The following GPC3 variants were observed in gnomAD, a reference collection of about 807,000 sequenced individuals.
GPC3 encodes the protein glypican 3.
GPC3 carries 3 observed loss-of-function variants against 34.4 expected under a neutral mutation model. That is an observed-to-expected ratio of 0.09 (90% CI 0.04 to 0.23). GPC3 has a LOEUF of 0.23. Among genes scored for constraint, GPC3 ranks in the 10% least tolerant of loss-of-function variants. The pLI is 1.00. For missense variants in GPC3, 351 were observed against 445.6 expected, an observed-to-expected ratio of 0.79 and a Z score of 1.91; for synonymous variants, 177 against 174.0, an observed-to-expected ratio of 1.02 and a Z score of -0.13.
At chrX:133,737,072 T>C (rs2071517902) in intron 3 of GPC3, among the ~76,000 whole-genome samples, 1 of 111,431 alleles carries the variant, frequency 9.0e-6, no homozygotes, top group Admixed American at 9.5e-5. Flanking sequence ...AGACATGGAG[T>C]AAACTTAAAA....
chrX:133,900,685 T>C (rs1230886104), intron 2 of GPC3, among the ~76,000 whole-genome samples: 1 of 111,522 alleles, frequency 9.0e-6, no homozygotes, highest in South Asian at 3.9e-4. Flanking sequence ...AGATCTTACC[T>C]AGGACCATTT....
At chrX:133,619,856 A>G (rs2070210962) in intron 6 of GPC3, among the ~76,000 whole-genome samples, 1 of 110,885 alleles carries the variant, frequency 9.0e-6, no homozygotes, top group Non-Finnish European at 1.9e-5. Context: ...GCACTAACCA[A>G]TTAGGAAGAA....
chrX:133,740,958 A>C (rs1330332360), intron 3 of GPC3, among the ~76,000 whole-genome samples: 9 of 110,925 alleles, frequency 8.1e-5, no homozygotes, highest in African/African-American at 3.0e-4. Flanking sequence ...ATTTAGAAAA[A>C]TTTAGTTAGC....
intron 2 of GPC3, among the ~76,000 whole-genome samples, chrX:133,882,609 A>G (rs1338848809): frequency 9.0e-6 from 1 of 110,572 alleles, no homozygotes; most frequent in African/African-American, 3.3e-5. Context: ...GGTACCAGTC[A>G]CAGAGAGTTT....
intron 6 of GPC3, among the ~76,000 whole-genome samples, chrX:133,621,648 G>T (rs1034249714): frequency 8.9e-6 from 1 of 112,196 alleles, no homozygotes; most frequent in Non-Finnish European, 1.9e-5. Flanking sequence ...AAACAAAGCG[G>T]CCAGGAAGCT....
chrX:133,681,332 G>A (rs976479022), intron 5 of GPC3, among the ~76,000 whole-genome samples: 1 of 111,803 alleles, frequency 8.9e-6, no homozygotes, highest in Non-Finnish European at 1.9e-5. Flanking sequence ...TGACTCTAAG[G>A]TTGTAAGTTT....
chrX:133,817,930 ATTG>A (rs2075700446), intron 2 of GPC3, among the ~76,000 whole-genome samples: 1 of 111,015 alleles, frequency 9.0e-6, no homozygotes, highest in Admixed American at 9.6e-5. Flanking sequence ...ATCCTAGCTC[ATTG>A]TTTTATTTTA....
intron 6 of GPC3, among the ~76,000 whole-genome samples, chrX:133,623,989 T>C (rs770333652): frequency 1.6e-4 from 18 of 112,024 alleles, no homozygotes; most frequent in Admixed American, 3.8e-4. Flanking sequence ...AAACTAGAAC[T>C]GAGGATTAAG....
chrX:133,806,470 C>T (rs2075636033), intron 2 of GPC3, among the ~76,000 whole-genome samples: 1 of 111,253 alleles, frequency 9.0e-6, no homozygotes, highest in Admixed American at 9.6e-5. Context: ...AAGTTGTATG[C>T]TGTACAAGCC....
chrX:133,655,280 G>A (rs1293667101), intron 6 of GPC3, among the ~76,000 whole-genome samples: 4 of 111,440 alleles, frequency 3.6e-5, no homozygotes, highest in African/African-American at 1.3e-4. Flanking sequence ...ATTAGGCAAA[G>A]TGACAGAAGA....
chrX:133,824,936 A>T (rs1448818844), intron 2 of GPC3, among the ~76,000 whole-genome samples: 1 of 112,272 alleles, frequency 8.9e-6, no homozygotes, highest in Non-Finnish European at 1.9e-5. Flanking sequence ...GCAACCTGCA[A>T]CCTCTGCCTC....
At chrX:133,804,452 A>T (rs1002144757) in intron 2 of GPC3, among the ~76,000 whole-genome samples, 1 of 110,358 alleles carries the variant, frequency 9.1e-6, no homozygotes, top group Non-Finnish European at 1.9e-5. Context: ...TCTTCGGAAG[A>T]TTCCTCAATC....
At chrX:133,960,977 T>C (rs1218320533) in intron 1 of GPC3, among the ~76,000 whole-genome samples, 3 of 112,091 alleles carry the variant, frequency 2.7e-5, no homozygotes, top group Non-Finnish European at 5.6e-5. Context: ...CCTTAGCATA[T>C]AATAGTGACT....
intron 2 of GPC3, among the ~76,000 whole-genome samples, chrX:133,866,687 A>G (rs190941958): frequency 1.8e-3 from 205 of 111,955 alleles, no homozygotes; most frequent in African/African-American, 6.6e-3. Context: ...TGCTTCTTTA[A>G]GAAAAAACTA....
rs34458608 is a variant in GPC3 at position 133,802,346 on chromosome X, T to TAACAAC, written c.338-48176_338-48171dup. The stretch of plus-strand genomic sequence containing the variant: ...AGCATTTTAGGAGGAGACATTATAT[T>TAACAAC]AACAACAACAACAACAACAACAACA... On this transcript the variant is annotated intron_variant, in intron 2 of 7. Coordinates refer to ENST00000370818, the MANE Select transcript of GPC3 (RefSeq NM_004484.4). Among the ~76,000 whole-genome samples, 458 of 109,443 alleles carry TAACAAC rather than the reference T, an allele frequency of 4.2e-3. 4 individuals carry two copies. Among genetic ancestry groups the TAACAAC allele is most frequent in the South Asian group, 0.014 (35 of 2,529 alleles).
chrX:133,896,368 A>C (rs1306466434), intron 2 of GPC3, among the ~76,000 whole-genome samples: 2 of 110,108 alleles, frequency 1.8e-5, no homozygotes, highest in Non-Finnish European at 3.8e-5. Context: ...CTCAGAAAAA[A>C]AAAAAAAAAG....
intron 7 of GPC3, among the ~76,000 whole-genome samples, chrX:133,579,315 C>G (rs944493455): frequency 6.2e-5 from 7 of 112,068 alleles, no homozygotes; most frequent in African/African-American, 2.3e-4. Flanking sequence ...CCACCACCCC[C>G]CAAGACCCCC....
At chrX:133,682,862 G>T (rs1249249354) in intron 5 of GPC3, among the ~76,000 whole-genome samples, 1 of 109,046 alleles carries the variant, frequency 9.2e-6, no homozygotes, top group Admixed American at 9.8e-5. Flanking sequence ...AGCTACTTGG[G>T]AGGCTGAGGC....
chrX:133,661,579 TCTC>T (rs2070719950), intron 6 of GPC3, 148 bp downstream of exon 6: 3 of 10,322 alleles, frequency 2.9e-4, no homozygotes, highest in Non-Finnish European at 5.6e-4. Context: ...TCTCTCTCTC[TCTC>T]TCTCTCTCTC....
Sources: allele counts gnomAD v4.1 joint callset (sites outside exome capture counted in the v4.1 genomes callset), GRCh38; gene constraint gnomAD v4.1.1; transcripts MANE v1.5; gene names NCBI Gene and HGNC (gene_info 2026-07-23, HGNC 2026-07-21).